The following LINGO2 variants were observed in gnomAD, a reference collection of about 807,000 sequenced individuals.
The protein encoded by LINGO2 is leucine-rich repeat and immunoglobulin-like domain-containing nogo receptor-interacting protein 2.
A neutral mutation model predicts 30.6 loss-of-function variants in LINGO2; 14 were observed. That is an observed-to-expected ratio of 0.46 (90% CI 0.30 to 0.72). The LOEUF (loss-of-function observed/expected upper bound fraction) is 0.72. Among genes scored for constraint, LINGO2 ranks in the 30% least tolerant of loss-of-function variants. The pLI is 0.07. For synonymous variants in LINGO2, 317 were observed against 288.5 expected (o/e 1.10, Z -1.00); for missense variants, 729 against 751.7 (o/e 0.97, Z 0.35).
intron 1 of LINGO2, among the ~76,000 whole-genome samples, chr9:28,650,200 T>A (rs574610734): frequency 6.6e-6 from 1 of 152,134 alleles, no homozygotes. Context: ...GTTACAACTC[T>A]CAAAACAAAA....
intron 5 of LINGO2, among the ~76,000 whole-genome samples, chr9:28,003,730 T>A (rs1028254086): frequency 8.5e-5 from 13 of 152,184 alleles, no homozygotes; most frequent in Non-Finnish European, 1.5e-5. Flanking sequence ...CAGTTGATGA[T>A]GTTTTTGTAA....
chr9:29,109,033 T>C, the LINGO2 span, among the ~76,000 whole-genome samples: 1 of 152,338 alleles, frequency 6.6e-6, no homozygotes, highest in Non-Finnish European at 1.5e-5. Flanking sequence ...TATTTCAATC[T>C]CATTTTTGAT....
intron 1 of LINGO2, among the ~76,000 whole-genome samples, chr9:28,548,462 T>A (rs1822069456): frequency 6.6e-6 from 1 of 151,942 alleles, no homozygotes; most frequent in South Asian, 2.1e-4. Context: ...TCCCAGTACT[T>A]TGGGAGGCCG....
chr9:28,550,387 G>A (rs1162068049), intron 1 of LINGO2, among the ~76,000 whole-genome samples: 2 of 151,642 alleles, frequency 1.3e-5, no homozygotes, highest in African/African-American at 2.4e-5. Flanking sequence ...AGCTTCATCT[G>A]ATCTTCTGTT....
chr9:28,223,979 G>C (rs1261538825), intron 4 of LINGO2, among the ~76,000 whole-genome samples: 1 of 152,182 alleles, frequency 6.6e-6, no homozygotes, highest in East Asian at 1.9e-4. Context: ...TGATGTGTAA[G>C]TGTGGAAGTT....
At chr9:28,398,965 T>G (rs970557716) in intron 2 of LINGO2, among the ~76,000 whole-genome samples, 1 of 152,072 alleles carries the variant, frequency 6.6e-6, no homozygotes, top group Non-Finnish European at 1.5e-5. Flanking sequence ...AAAAACTCCA[T>G]GTAGCAAAAA....
chr9:28,653,731 C>T (rs1479958828), intron 1 of LINGO2, among the ~76,000 whole-genome samples: 2 of 152,048 alleles, frequency 1.3e-5, no homozygotes, highest in African/African-American at 2.4e-5. Flanking sequence ...TGAAATTCAT[C>T]CAATATACAC....
intron 3 of LINGO2, among the ~76,000 whole-genome samples, chr9:28,320,098 C>A (rs1175595814): frequency 1.3e-5 from 2 of 152,042 alleles, no homozygotes; most frequent in Non-Finnish European, 2.9e-5. Context: ...TTTGTGCACC[C>A]AAGAAAAATT....
chr9:28,354,532 A>C (rs371557355), intron 3 of LINGO2, among the ~76,000 whole-genome samples: 5 of 152,170 alleles, frequency 3.3e-5, no homozygotes, highest in Non-Finnish European at 5.9e-5. Flanking sequence ...AAATCTTCAA[A>C]CAGTAGGAGT....
At chr9:28,562,651 T>C (rs924089957) in intron 1 of LINGO2, among the ~76,000 whole-genome samples, 1 of 151,950 alleles carries the variant, frequency 6.6e-6, no homozygotes, top group African/African-American at 2.4e-5. Context: ...TGTGTCTTTA[T>C]GATGAGGTGA....
In LINGO2 at chr9:27,999,449, AG is replaced by A. The variant is rs1344783904; in HGVS notation, c.-36+12905del. 2.0e-3 allele frequency among the ~76,000 whole-genome samples: 288 copies of A among 147,202 alleles called. 2 individuals are homozygous for A. The highest frequency in any genetic ancestry group is 7.2e-3 in the African/African-American group (272 of 37,858). On this transcript the variant is annotated intron_variant, in intron 5 of 5. Transcript: ENST00000379992. Reference sequence around the variant, plus strand: ...GTGCCTAATCTTCAGAGAGAGAGAGAGAGAGAGAGAGAGAGAGAGAGAGTCT... The same window carrying A: ...GTGCCTAATCTTCAGAGAGAGAGAGAAGAGAGAGAGAGAGAGAGAGAGTCT...
the LINGO2 span, among the ~76,000 whole-genome samples, chr9:29,073,746 G>C: frequency 6.6e-6 from 1 of 152,160 alleles, no homozygotes; most frequent in Non-Finnish European, 1.5e-5. Flanking sequence ...AAGATAATTT[G>C]TGGTTAATCT....
At chr9:28,895,300 T>C in the LINGO2 span, among the ~76,000 whole-genome samples, 1 of 152,090 alleles carries the variant, frequency 6.6e-6, no homozygotes, top group Non-Finnish European at 1.5e-5. Flanking sequence ...CAAGCAAACC[T>C]GGCAAACAGT....
chr9:27,985,589 C>A (rs1821086423), intron 5 of LINGO2, among the ~76,000 whole-genome samples: 1 of 134,208 alleles, frequency 7.5e-6, no homozygotes, highest in South Asian at 2.2e-4. Context: ...TAGCAAAACA[C>A]AAGAAAAAGT....
the LINGO2 span, among the ~76,000 whole-genome samples, chr9:29,077,741 A>G: frequency 6.6e-6 from 1 of 152,162 alleles, no homozygotes; most frequent in South Asian, 2.1e-4. Flanking sequence ...GAGCAGATGA[A>G]TAATAACAGT....
the LINGO2 span, among the ~76,000 whole-genome samples, chr9:28,849,654 G>T: frequency 6.6e-6 from 1 of 151,918 alleles, no homozygotes; most frequent in Admixed American, 6.6e-5. Flanking sequence ...TCTCTAGCCT[G>T]TAGGTCCTTC....
intron 4 of LINGO2, among the ~76,000 whole-genome samples, chr9:28,127,068 G>C (rs897401198): frequency 6.6e-6 from 1 of 152,140 alleles, no homozygotes; most frequent in African/African-American, 2.4e-5. Flanking sequence ...AGTCCCTTAG[G>C]TATTAGGTAG....
At chr9:28,463,504 T>A (rs1825169122) in intron 2 of LINGO2, among the ~76,000 whole-genome samples, 1 of 152,060 alleles carries the variant, frequency 6.6e-6, no homozygotes, top group Admixed American at 6.6e-5. Flanking sequence ...TCATTTCTAC[T>A]GACAAAAAGA....
intron 2 of LINGO2, among the ~76,000 whole-genome samples, chr9:28,389,599 TCA>T (rs1174556770): frequency 6.6e-6 from 1 of 152,124 alleles, no homozygotes; most frequent in African/African-American, 2.4e-5. Context: ...CTTAGAGGAT[TCA>T]CAGTCAGCCC....
Sources: allele counts gnomAD v4.1 joint callset (sites outside exome capture counted in the v4.1 genomes callset), GRCh38; gene constraint gnomAD v4.1.1; transcripts MANE v1.5; gene names NCBI Gene and HGNC (gene_info 2026-07-23, HGNC 2026-07-21).